WFDC1: variants seen among roughly 807,000 people sequenced by gnomAD.
WFDC1 encodes the protein WAP four-disulfide core domain 1.
Under a neutral mutation model 32.9 loss-of-function variants are expected in WFDC1, and 39 were observed. The ratio of observed to expected loss-of-function variants is 1.19; its 90% CI spans 0.92 to 1.55. The LOEUF is 1.55. Ranked by LOEUF, WFDC1 falls within the 40% of genes most tolerant of loss-of-function variation. The probability of loss-of-function intolerance (pLI) is 0.00; values close to 1 mark genes in which losing one functional copy is unlikely to be tolerated. For missense variants in WFDC1, 386 were observed against 309.5 expected, an observed-to-expected ratio of 1.25 and a Z score of -1.85; for synonymous variants, 184 against 137.4, an observed-to-expected ratio of 1.34 and a Z score of -2.37.
In WFDC1 at chr16:84,318,451, C is replaced by G. The variant is rs1221817410; in HGVS notation, c.421+96C>G. The G allele has an allele frequency of 2.5e-6, 3 of 1,181,870 alleles. No homozygotes were observed. The Admixed American group carries it at 5.8e-5, about 23-fold the overall frequency. 73.2% of individuals were successfully genotyped at this position (1,181,870 alleles called of 1,614,324 possible). On this transcript the variant is annotated intron_variant, in intron 3 of 6. Coordinates refer to ENST00000219454, the MANE Select transcript of WFDC1 (RefSeq NM_021197.4). Reference sequence around the variant, plus strand: ...CTGGCAGCACCAGGCCGGCTGTCCCCCATGCACGGGCCCTTCAGCCAAACA... The same window carrying G: ...CTGGCAGCACCAGGCCGGCTGTCCCGCATGCACGGGCCCTTCAGCCAAACA...
chr16:84,298,013 C>T (rs1906711966), intron 1 of WFDC1, among the ~76,000 whole-genome samples: 1 of 152,204 alleles, frequency 6.6e-6, no homozygotes, highest in Admixed American at 6.5e-5. Flanking sequence ...TGAGGAGATG[C>T]TGGCTGTGTG....
At chr16:84,320,867 C>CTT (rs11428489) in intron 4 of WFDC1, among the ~76,000 whole-genome samples, 33 of 151,408 alleles carry the variant, frequency 2.2e-4, no homozygotes, top group East Asian at 1.2e-3. Context: ...GCCAAAACCT[C>CTT]TTTTTTTTTC....
At chr16:84,298,664 G>T (rs190887263) in intron 1 of WFDC1, among the ~76,000 whole-genome samples, 57 of 152,330 alleles carry the variant, frequency 3.7e-4, no homozygotes, top group African/African-American at 1.3e-3. Flanking sequence ...GCTGCCTGTA[G>T]CCTGCTCTAG....
chr16:84,311,307 C>T (rs984880348), intron 1 of WFDC1, among the ~76,000 whole-genome samples: 2 of 150,000 alleles, frequency 1.3e-5, no homozygotes, highest in African/African-American at 2.5e-5. Flanking sequence ...TGCAATGGCT[C>T]GATCTTGGCT....
rs1908468038 is a variant in WFDC1, at chr16:84,324,412, T to A, written c.563-7T>A. 1 of 1,613,534 alleles carries A rather than the reference T, an allele frequency of 6.2e-7. No homozygotes were observed. The highest frequency in any genetic ancestry group is 1.1e-5 in the South Asian group (1 of 90,840). The stretch of plus-strand genomic sequence containing the variant: ...AAAGAAGTTTTTTCCTCTCACTTGT[T>A]TTCCAGATGGGCGAATCCTACGACA... On this transcript the variant is annotated splice_region_variant and splice_polypyrimidine_tract_variant and intron_variant, in intron 4 of 6. Transcript: ENST00000219454.
intron 4 of WFDC1, 146 bp downstream of exon 4, chr16:84,319,717 C>G: frequency 4.5e-6 from 5 of 1,110,160 alleles, no homozygotes; most frequent in Non-Finnish European, 5.0e-6. Flanking sequence ...CTTCCCCCTG[C>G]CCGGCTCCTT....
chr16:84,295,196 C>G, intron 1 of WFDC1, 81 bp downstream of exon 1: 1 of 1,540,920 alleles, frequency 6.5e-7, no homozygotes, highest in Non-Finnish European at 8.8e-7. Flanking sequence ...CTAGACACTG[C>G]CTTCTCCTGT....
intron 4 of WFDC1, among the ~76,000 whole-genome samples, chr16:84,323,631 T>A (rs1301723361): frequency 6.6e-6 from 1 of 152,222 alleles, no homozygotes; most frequent in African/African-American, 2.4e-5. Flanking sequence ...TTATGCCTAT[T>A]TTTAGGAGAG....
chr16:84,301,108 G>T (rs1218613273), intron 1 of WFDC1, among the ~76,000 whole-genome samples: 1 of 152,150 alleles, frequency 6.6e-6, no homozygotes, highest in Non-Finnish European at 1.5e-5. Flanking sequence ...GAACATGAGG[G>T]ACTGCCAGCC....
intron 2 of WFDC1, chr16:84,315,959 G>T (rs1338697033): frequency 1.3e-5 from 2 of 152,166 alleles, no homozygotes; most frequent in Non-Finnish European, 2.9e-5. Context: ...GGCCTTTAAG[G>T]GTCTTCAACT....
intron 6 of WFDC1, 79 bp from the exon 7 acceptor site, chr16:84,329,243 A>C (rs1458659143): frequency 6.6e-6 from 1 of 152,248 alleles, no homozygotes; most frequent in Non-Finnish European, 1.5e-5. Flanking sequence ...TCTGCCCTGC[A>C]GTGGTTCACC....
chr16:84,313,468 C>T (rs1323228712), intron 2 of WFDC1, among the ~76,000 whole-genome samples: 2 of 152,214 alleles, frequency 1.3e-5, no homozygotes, highest in Non-Finnish European at 2.9e-5. Context: ...GTCCAGCAGA[C>T]ACCCATTCCC....
intron 2 of WFDC1, among the ~76,000 whole-genome samples, chr16:84,313,393 G>C (rs1191522706): frequency 2.0e-5 from 3 of 152,168 alleles, no homozygotes; most frequent in Non-Finnish European, 4.4e-5. Context: ...CCCTTCCAGA[G>C]AAAATGCCAC....
chr16:84,317,549 T>A (rs1006702647), intron 2 of WFDC1: 8 of 152,082 alleles, frequency 5.3e-5, no homozygotes, highest in African/African-American at 1.9e-4. Flanking sequence ...GGCCTTCCCA[T>A]AAACTGTGTG....
At chr16:84,314,616 C>G (rs915329651) in intron 2 of WFDC1, among the ~76,000 whole-genome samples, 1 of 152,180 alleles carries the variant, frequency 6.6e-6, no homozygotes, top group Admixed American at 6.5e-5. Flanking sequence ...CTTAATCATG[C>G]TCATAATTAC....
At chr16:84,312,153 G>A (rs947706608) in intron 1 of WFDC1, among the ~76,000 whole-genome samples, 5 of 152,098 alleles carry the variant, frequency 3.3e-5, no homozygotes, top group East Asian at 1.9e-4. Context: ...CAACAAGAGC[G>A]AAACTCCGTC....
At chr16:84,310,333 G>A (rs546618754) in intron 1 of WFDC1, among the ~76,000 whole-genome samples, 8 of 152,208 alleles carry the variant, frequency 5.3e-5, no homozygotes, top group Non-Finnish European at 7.4e-5. Context: ...ACGGGCATTC[G>A]GCAGAGGATC....
At chr16:84,303,739 G>C (rs758628375) in intron 1 of WFDC1, among the ~76,000 whole-genome samples, 1 of 152,186 alleles carries the variant, frequency 6.6e-6, no homozygotes, top group Non-Finnish European at 1.5e-5. Flanking sequence ...AGTATACTCA[G>C]AGTCATGCAA....
intron 1 of WFDC1, among the ~76,000 whole-genome samples, chr16:84,305,430 G>A (rs1035035402): frequency 1.3e-5 from 2 of 152,200 alleles, no homozygotes; most frequent in African/African-American, 4.8e-5. Flanking sequence ...CGAGTTGTTT[G>A]CCCTGGTCTT....
Sources: allele counts gnomAD v4.1 joint callset (sites outside exome capture counted in the v4.1 genomes callset), GRCh38; gene constraint gnomAD v4.1.1; transcripts MANE v1.5; gene names NCBI Gene and HGNC (gene_info 2026-07-23, HGNC 2026-07-21).